The following THADA variants were observed in gnomAD, a reference collection of about 807,000 sequenced individuals.
The protein encoded by THADA is THADA armadillo repeat containing.
THADA carries 213 observed loss-of-function variants against 219.8 expected under a neutral mutation model. The observed-to-expected ratio is 0.97, with a 90% CI of 0.87 to 1.09. THADA has a LOEUF of 1.09. Ranked by LOEUF, THADA falls within the 50% of genes least tolerant of loss-of-function variation. The pLI, the probability that THADA is intolerant of heterozygous loss-of-function variation, is 0.00. For missense variants in THADA, 2,956 were observed against 2,311.3 expected, an observed-to-expected ratio of 1.28 and a Z score of -5.72; for synonymous variants, 1,018 against 828.9, an observed-to-expected ratio of 1.23 and a Z score of -3.92.
intron 29 of THADA, among the ~76,000 whole-genome samples, chr2:43,395,756 C>CT (rs1332137863): frequency 2.6e-5 from 4 of 152,118 alleles, no homozygotes; most frequent in Non-Finnish European, 4.4e-5. Context: ...CTCAAGTTTA[C>CT]TTTTTTCTTT....
chr2:43,355,888 T>C (rs757802185), intron 29 of THADA, among the ~76,000 whole-genome samples: 1 of 152,196 alleles, frequency 6.6e-6, no homozygotes, highest in Non-Finnish European at 1.5e-5. Flanking sequence ...ATTCATTATA[T>C]TATTTGTGTA....
At chr2:43,296,175 C>T (rs1346738210) in intron 31 of THADA, among the ~76,000 whole-genome samples, 1 of 152,086 alleles carries the variant, frequency 6.6e-6, no homozygotes, top group Non-Finnish European at 1.5e-5. Context: ...GCCTCAGCCT[C>T]CCAAAGTGCT....
At chr2:43,233,867 G>C (rs1451238428) in intron 36 of THADA, among the ~76,000 whole-genome samples, 1 of 152,072 alleles carries the variant, frequency 6.6e-6, no homozygotes, top group East Asian at 1.9e-4. Context: ...GGCCCATCTT[G>C]CACCAACTGA....
At chr2:43,466,047 A>T (rs1318685806) in intron 26 of THADA, among the ~76,000 whole-genome samples, 1 of 152,016 alleles carries the variant, frequency 6.6e-6, no homozygotes, top group Non-Finnish European at 1.5e-5. Context: ...AATATCTCTA[A>T]TCAGTATCTG....
At position 43,592,060 on chromosome 2, in the gene THADA, AC is replaced by A. The variant is rs1446678231; in HGVS notation, c.77-15del. ...CATCAGCAAAAGCTATATAACATAT[AC>A]AAAAAAAAATTTTCAATGATTTAAC... On this transcript the variant is annotated splice_polypyrimidine_tract_variant and intron_variant, in intron 2 of 37. Transcript: ENST00000405975. The A allele has an allele frequency of 6.6e-7, 1 of 1,521,626 alleles. No homozygotes were observed. Among genetic ancestry groups the A allele is most frequent in the Non-Finnish European group, 8.8e-7 (1 of 1,135,176 alleles). The allele number at this position is 1,521,626 out of a possible 1,614,324, so 94.3% of individuals were successfully genotyped here. A position where few individuals can be genotyped will look rare whatever the true frequency, so the allele number is the denominator to read the frequency against.
intron 36 of THADA, among the ~76,000 whole-genome samples, chr2:43,239,281 TGC>T (rs1426288465): frequency 7.2e-5 from 11 of 152,228 alleles, no homozygotes; most frequent in African/African-American, 2.7e-4. Flanking sequence ...CCAAGGCAGA[TGC>T]CTAGCTATCA....
At chr2:43,246,058 T>C (rs1265440144) in intron 36 of THADA, among the ~76,000 whole-genome samples, 1 of 149,506 alleles carries the variant, frequency 6.7e-6, no homozygotes, top group African/African-American at 2.5e-5. Context: ...CAGCCTTATC[T>C]AGAATCCAGA....
intron 26 of THADA, among the ~76,000 whole-genome samples, chr2:43,479,118 A>AAGTAAGATATATAAAT (rs1685880061): frequency 1.3e-5 from 2 of 152,222 alleles, no homozygotes; most frequent in Admixed American, 1.3e-4. Flanking sequence ...CTTACTTTCA[A>AAGTAAGATATATAAAT]ATCATTAATA....
intron 16 of THADA, among the ~76,000 whole-genome samples, chr2:43,559,954 A>G (rs928564902): frequency 6.6e-6 from 1 of 152,212 alleles, no homozygotes; most frequent in African/African-American, 2.4e-5. Flanking sequence ...ATCTACCAAT[A>G]ATCTTGTAAA....
At chr2:43,372,762 T>C in intron 29 of THADA, among the ~76,000 whole-genome samples, 1 of 152,192 alleles carries the variant, frequency 6.6e-6, no homozygotes, top group East Asian at 1.9e-4. Context: ...TATTTATTTA[T>C]TTTTTGAGAC....
At chr2:43,465,416 A>G (rs1334819667) in intron 26 of THADA, among the ~76,000 whole-genome samples, 1 of 152,192 alleles carries the variant, frequency 6.6e-6, no homozygotes, top group African/African-American at 2.4e-5. Flanking sequence ...AGTCTCACAC[A>G]GCTCTCCTTA....
At chr2:43,485,348 A>G (rs1280526634) in intron 25 of THADA, 23 bp from the exon 26 acceptor site, 3 of 1,544,276 alleles carry the variant, frequency 1.9e-6, no homozygotes, top group African/African-American at 1.4e-5. Flanking sequence ...CGAAAACACA[A>G]TAAGGCTTAA....
intron 22 of THADA, among the ~76,000 whole-genome samples, chr2:43,514,798 AAT>A (rs1414096170): frequency 2.2e-5 from 2 of 92,894 alleles, no homozygotes; most frequent in Non-Finnish European, 3.7e-5. Flanking sequence ...TAATATGTAC[AAT>A]ATATATTTTA....
intron 25 of THADA, among the ~76,000 whole-genome samples, chr2:43,487,148 A>G (rs761816887): frequency 6.6e-6 from 1 of 152,202 alleles, no homozygotes; most frequent in Non-Finnish European, 1.5e-5. Flanking sequence ...TACTTTATCA[A>G]TATAATCTCT....
chr2:43,552,715 C>T (rs1696888214), intron 17 of THADA, among the ~76,000 whole-genome samples: 1 of 151,962 alleles, frequency 6.6e-6, no homozygotes, highest in South Asian at 2.1e-4. Context: ...AAAATTCATA[C>T]ATTTGAAGTA....
At position 43,552,374 on chromosome 2, in the gene THADA, A is replaced by G. The variant is rs757490224; in HGVS notation, c.2675-35T>C. 3.8e-6 allele frequency: 6 copies of G among 1,573,172 alleles called. No individual in the cohort carries two copies. The South Asian group carries it at 7.1e-5, about 19-fold the overall frequency. ...GCAAACAGAAAATCAAAGTAATGTC[A>G]ATCTTAAAACATTTGTAAATGTACG... On this transcript the variant is annotated intron_variant, in intron 17 of 37. Coordinates refer to ENST00000405975, the MANE Select transcript of THADA (RefSeq NM_022065.5).
intron 29 of THADA, among the ~76,000 whole-genome samples, chr2:43,393,723 A>G (rs77665428): frequency 1.3e-5 from 2 of 150,146 alleles, no homozygotes; most frequent in African/African-American, 2.4e-5. Flanking sequence ...AAAAAAAAAA[A>G]GAGCTAAATT....
At chr2:43,296,776 AATTTC>A (rs1675441523) in intron 31 of THADA, among the ~76,000 whole-genome samples, 1 of 152,196 alleles carries the variant, frequency 6.6e-6, no homozygotes, top group South Asian at 2.1e-4. Context: ...ATTCAAAAGG[AATTTC>A]ATTTATTTGG....
At chr2:43,577,795 A>C (rs1051443632) in intron 9 of THADA, among the ~76,000 whole-genome samples, 3 of 152,156 alleles carry the variant, frequency 2.0e-5, no homozygotes, top group Non-Finnish European at 2.9e-5. Flanking sequence ...TTCCTGTCTA[A>C]AGCACATGAT....
Sources: gnomAD v4.1 joint callset for allele counts (sites outside exome capture counted in the v4.1 genomes callset) on GRCh38, gnomAD v4.1.1 for gene constraint, MANE v1.5 for transcripts, NCBI Gene and HGNC (gene_info 2026-07-23, HGNC 2026-07-21) for gene names.